Variants in RAP1GAP2 observed in about 807,000 individuals in gnomAD.
The protein encoded by RAP1GAP2 is rap1 GTPase-activating protein 2.
Under a neutral mutation model 95.0 loss-of-function variants are expected in RAP1GAP2, and 27 were observed. That is an observed-to-expected ratio of 0.28 (90% CI 0.21 to 0.39). RAP1GAP2 has a LOEUF of 0.39. Among genes scored for constraint, RAP1GAP2 ranks in the 10% least tolerant of loss-of-function variants. RAP1GAP2 has a pLI of 1.00. For missense variants in RAP1GAP2, 771 were observed against 970.0 expected, an observed-to-expected ratio of 0.79 and a Z score of 2.72; for synonymous variants, 373 against 380.9, an observed-to-expected ratio of 0.98 and a Z score of 0.24.
At chr17:2,863,984 G>A (rs956057599) in intron 2 of RAP1GAP2, among the ~76,000 whole-genome samples, 2 of 152,004 alleles carry the variant, frequency 1.3e-5, no homozygotes, top group Non-Finnish European at 2.9e-5. Flanking sequence ...CCCGGGAGGC[G>A]GAGGTTGCAG....
chr17:2,997,942 A>G (rs1231100227), intron 13 of RAP1GAP2, among the ~76,000 whole-genome samples: 1 of 151,870 alleles, frequency 6.6e-6, no homozygotes, highest in Non-Finnish European at 1.5e-5. Context: ...AAAAAAAGAA[A>G]AAAAAAAGAT....
chr17:2,788,517 C>T (rs997108890), intron 1 of RAP1GAP2, among the ~76,000 whole-genome samples: 1 of 152,064 alleles, frequency 6.6e-6, no homozygotes, highest in South Asian at 2.1e-4. Context: ...ACACTGGTCT[C>T]GAACTCCTGA....
Position 3,034,369 on chromosome 17 carries a change from T to TA in RAP1GAP2, c.*1009dup, listed in dbSNP as rs145323203. The TA allele has an allele frequency of 7.4e-3, 1,826 of 245,904 alleles. 36 individuals carry two copies. The East Asian group carries it at 0.091, about 12-fold the overall frequency. 15.2% of individuals were successfully genotyped at this position (245,904 alleles called of 1,614,324 possible). On this transcript the variant is annotated 3_prime_UTR_variant, in exon 25 of 25. Coordinates refer to ENST00000254695, the MANE Select transcript of RAP1GAP2 (RefSeq NM_015085.5). This position sits in a 1 kb window ranked among gnomAD's most constrained non-coding sequence, Gnocchi z 5.1. Reference sequence around the variant, plus strand: ...AATGGGGGTTCAAGGAAGACGTCGTTATCTCCCCTCCCCACTTACTCGAGG... The same window carrying TA: ...AATGGGGGTTCAAGGAAGACGTCGTTAATCTCCCCTCCCCACTTACTCGAGG...
chr17:2,994,916 C>T lies in RAP1GAP2; in HGVS notation c.915-421C>T, dbSNP rs551250989. Among the ~76,000 whole-genome samples, 289 of 152,300 alleles carry T rather than the reference C, an allele frequency of 1.9e-3. 5 individuals are homozygous for T. The highest frequency in any genetic ancestry group is 5.9e-3 in the African/African-American group (246 of 41,572). On this transcript the variant is annotated intron_variant, in intron 12 of 24. Coordinates refer to ENST00000254695, the MANE Select transcript of RAP1GAP2 (RefSeq NM_015085.5). Reference sequence around the variant, plus strand: ...GCAACCTCCACCTCCTGGGTTCAAGCGATTCTCCTGCTTCAGCCTCCTGAG... The same window carrying T: ...GCAACCTCCACCTCCTGGGTTCAAGTGATTCTCCTGCTTCAGCCTCCTGAG...
intron 3 of RAP1GAP2, among the ~76,000 whole-genome samples, chr17:2,941,672 T>TG (rs2043504021): frequency 6.7e-6 from 1 of 149,900 alleles, no homozygotes; most frequent in Admixed American, 6.6e-5. Flanking sequence ...TCTTGGGTTT[T>TG]TTTTTTTTTT....
intron 1 of RAP1GAP2, among the ~76,000 whole-genome samples, chr17:2,761,979 C>CTTTTTTTTTTTT (rs901487276): frequency 6.4e-5 from 5 of 77,710 alleles, no homozygotes; most frequent in East Asian, 5.1e-4. Context: ...GTTTATATAT[C>CTTTTTTTTTTTT]TTTTTTTTTT....
intron 3 of RAP1GAP2, among the ~76,000 whole-genome samples, chr17:2,911,232 C>A (rs2042370384): frequency 6.9e-6 from 1 of 145,452 alleles, no homozygotes; most frequent in African/African-American, 2.7e-5. Context: ...CACCCTCCCC[C>A]ACCTCTTTGC....
chr17:2,880,860 C>T (rs56083305), intron 2 of RAP1GAP2, among the ~76,000 whole-genome samples: 19,255 of 152,144 alleles, frequency 0.13, 1,411 homozygotes, highest in Non-Finnish European at 0.17. Context: ...GGCACGGTGG[C>T]TCACGCCTGG....
intron 2 of RAP1GAP2, among the ~76,000 whole-genome samples, chr17:2,896,348 A>G (rs753076620): frequency 1.1e-4 from 17 of 152,204 alleles, no homozygotes; most frequent in Middle Eastern, 3.4e-3. Context: ...ACGTTTGGCC[A>G]CTGTCCCCTC....
chr17:2,966,934 C>T (rs565936763), intron 8 of RAP1GAP2, among the ~76,000 whole-genome samples: 6 of 152,254 alleles, frequency 3.9e-5, no homozygotes, highest in East Asian at 3.9e-4. Flanking sequence ...AATGCTGCTT[C>T]GGGGCTGAAA....
chr17:2,927,455 G>C (rs2043007679), intron 3 of RAP1GAP2, among the ~76,000 whole-genome samples: 1 of 152,162 alleles, frequency 6.6e-6, no homozygotes, highest in Non-Finnish European at 1.5e-5. Context: ...GCCCGGCTGA[G>C]CAAGTCTTTC....
At chr17:2,805,890 T>A (rs1338116932) in intron 2 of RAP1GAP2, among the ~76,000 whole-genome samples, 2 of 152,164 alleles carry the variant, frequency 1.3e-5, no homozygotes, top group Non-Finnish European at 2.9e-5. Context: ...TCTCCACTGC[T>A]GGAGCACATT....
At chr17:2,785,331 C>T (rs1447864536) in intron 1 of RAP1GAP2, among the ~76,000 whole-genome samples, 2 of 151,992 alleles carry the variant, frequency 1.3e-5, no homozygotes, top group Non-Finnish European at 1.5e-5. Flanking sequence ...GACCACTGCT[C>T]CTCCTGCTGC....
At chr17:2,997,163 C>T (rs149981975) in intron 13 of RAP1GAP2, among the ~76,000 whole-genome samples, 1 of 151,460 alleles carries the variant, frequency 6.6e-6, no homozygotes, top group East Asian at 2.0e-4. Context: ...CCCAGAAGCA[C>T]CTGGCCCTGC....
intron 2 of RAP1GAP2, 70 bp downstream of exon 2, chr17:2,800,620 C>G (rs1567659458): frequency 2.0e-6 from 3 of 1,520,584 alleles, no homozygotes; most frequent in East Asian, 4.7e-5. Context: ...CCTTGCTCCC[C>G]CCAGGTTGTG....
intron 19 of RAP1GAP2, among the ~76,000 whole-genome samples, chr17:3,024,495 C>G (rs542535877): frequency 6.6e-6 from 1 of 152,170 alleles, no homozygotes; most frequent in Non-Finnish European, 1.5e-5. Flanking sequence ...CAGTTCCTTA[C>G]AAGGTTAAAC....
chr17:3,031,143 C>G lies in RAP1GAP2; in HGVS notation c.2184+145C>G. 3 of 900,928 alleles carry G rather than the reference C, an allele frequency of 3.3e-6. No homozygotes were observed. In the South Asian group the frequency reaches 4.6e-5, roughly 14 times the overall value. 55.8% of individuals were successfully genotyped at this position (900,928 alleles called of 1,614,324 possible). On this transcript the variant is annotated intron_variant, in intron 23 of 24. Coordinates refer to ENST00000254695, the MANE Select transcript of RAP1GAP2 (RefSeq NM_015085.5). ...AAGCTCTGGGGACGTCTGGCTCCAG[C>G]AGGTGCAGGCCGTGTCTCCGGGTTC... is the stretch of plus-strand genomic sequence containing the variant.
rs1171791889 is a variant in RAP1GAP2 at position 3,035,132 on chromosome 17, C to T, written c.*1771C>T. ...AGCTCTCCCTTTGCTAGTACTTTCTCTAAAGTACTAGTCTAGTAAAATTTA... is the reference window on the plus strand; with the variant it reads ...AGCTCTCCCTTTGCTAGTACTTTCTTTAAAGTACTAGTCTAGTAAAATTTA... On this transcript the variant is annotated 3_prime_UTR_variant, in exon 25 of 25. Transcript: ENST00000254695. This position sits in a 1 kb window ranked among gnomAD's most constrained non-coding sequence, Gnocchi z 4.3. 1 of 152,524 alleles carries T rather than the reference C, an allele frequency of 6.6e-6. No homozygotes were observed. Among genetic ancestry groups the T allele is most frequent in the Non-Finnish European group, 1.5e-5 (1 of 68,032 alleles). 9.4% of individuals were successfully genotyped at this position (152,524 alleles called of 1,614,324 possible).
chr17:2,845,974 G>A (rs1293237446), intron 2 of RAP1GAP2, among the ~76,000 whole-genome samples: 2 of 151,962 alleles, frequency 1.3e-5, no homozygotes, highest in Non-Finnish European at 2.9e-5. Context: ...CCGAGGTGAG[G>A]AATTCGAGAC....
Sources: gnomAD v4.1 joint callset for allele counts (sites outside exome capture counted in the v4.1 genomes callset) on GRCh38, gnomAD v4.1.1 for gene constraint, Gnocchi (gnomAD v3.1) non-coding constraint, MANE v1.5 for transcripts, NCBI Gene and HGNC (gene_info 2026-07-23, HGNC 2026-07-21) for gene names.